MERTK: variants seen among roughly 807,000 people sequenced by gnomAD.
MERTK encodes tyrosine-protein kinase Mer.
Under a neutral mutation model 99.3 loss-of-function variants are expected in MERTK, and 69 were observed. That is an observed-to-expected ratio of 0.70 (90% CI 0.57 to 0.85). The LOEUF is 0.85. Among genes scored for constraint, MERTK ranks in the 40% least tolerant of loss-of-function variants. The pLI is 0.00. For missense variants in MERTK, 1,125 were observed against 1,249.4 expected (o/e 0.90, Z 1.50); for synonymous variants, 426 against 467.6 (o/e 0.91, Z 1.15).
chr2:111,981,735 G>A (rs940713530), intron 7 of MERTK, among the ~76,000 whole-genome samples: 4 of 88,610 alleles, frequency 4.5e-5, no homozygotes, highest in South Asian at 3.4e-4. Flanking sequence ...ACGTACACTC[G>A]TGTACACACA....
intron 13 of MERTK, among the ~76,000 whole-genome samples, chr2:112,007,243 C>T (rs1405916484): frequency 6.6e-6 from 1 of 152,218 alleles, no homozygotes; most frequent in African/African-American, 2.4e-5. Context: ...CAAACTCCGC[C>T]TCCCGGATTC....
intron 1 of MERTK, among the ~76,000 whole-genome samples, chr2:111,916,834 T>G (rs573621915): frequency 3.5e-4 from 54 of 152,348 alleles, no homozygotes; most frequent in African/African-American, 1.3e-3. Flanking sequence ...TGACTTGCTC[T>G]GGCTGGGGAA....
At chr2:111,955,505 C>G (rs544899888) in intron 4 of MERTK, among the ~76,000 whole-genome samples, 1 of 152,234 alleles carries the variant, frequency 6.6e-6, no homozygotes, top group South Asian at 2.1e-4. Flanking sequence ...TCTGTAGCCA[C>G]AAATCTGTAC....
chr2:112,016,847 T>C (rs908888589), intron 15 of MERTK, among the ~76,000 whole-genome samples: 1 of 152,222 alleles, frequency 6.6e-6, no homozygotes, highest in Non-Finnish European at 1.5e-5. Context: ...CCCAGCAGTT[T>C]GGGAGGCCAA....
chr2:112,022,755 C>T (rs1447320963), intron 18 of MERTK, among the ~76,000 whole-genome samples: 1 of 152,158 alleles, frequency 6.6e-6, no homozygotes, highest in Admixed American at 6.5e-5. Context: ...TGAATGATTC[C>T]TCACCCTCTT....
Position 112,021,467 on chromosome 2 carries a change from TAAG to T in MERTK, c.2240_2242del (p.Lys747del), listed in dbSNP as rs1450558215. On this transcript the variant is annotated inframe_deletion, in exon 17 of 19. Transcript: ENST00000295408. Reference sequence around the variant, plus strand: ...TCTGTGTTGCGGACTTCGGCCTCTCTAAGAAGATTTACAGTGGCGATTATTACC... The same window carrying T: ...TCTGTGTTGCGGACTTCGGCCTCTCTAAGATTTACAGTGGCGATTATTACC... The T allele has an allele frequency of 5.0e-6, 8 of 1,613,890 alleles. No individual in the cohort carries two copies. The highest frequency in any genetic ancestry group is 1.3e-5 in the African/African-American group (1 of 75,012).
intron 2 of MERTK, among the ~76,000 whole-genome samples, chr2:111,942,896 T>C (rs1035217372): frequency 2.0e-5 from 3 of 152,238 alleles, no homozygotes; most frequent in African/African-American, 7.2e-5. Context: ...GTGTCTTAGC[T>C]GCTCTATTTA....
At chr2:111,910,591 A>AGTGTGTGT (rs139430156) in intron 1 of MERTK, among the ~76,000 whole-genome samples, 2,692 of 141,210 alleles carry the variant, frequency 0.019, 55 homozygotes, top group East Asian at 0.062. Context: ...TTAAAAAAAA[A>AGTGTGTGT]GTGTGTGTGT....
intron 5 of MERTK, among the ~76,000 whole-genome samples, chr2:111,967,060 G>A (rs995968007): frequency 4.6e-5 from 7 of 152,170 alleles, no homozygotes; most frequent in East Asian, 3.8e-4. Context: ...GTGTAGCTGT[G>A]CCTGGGGCCA....
chr2:112,022,829 T>G (rs1205879251), intron 18 of MERTK, among the ~76,000 whole-genome samples: 2 of 152,180 alleles, frequency 1.3e-5, no homozygotes, highest in Non-Finnish European at 2.9e-5. Context: ...GTAGTAGCCT[T>G]CATCAGGAAA....
At chr2:111,958,313 G>A (rs1242266691) in intron 4 of MERTK, among the ~76,000 whole-genome samples, 3 of 152,182 alleles carry the variant, frequency 2.0e-5, no homozygotes, top group Non-Finnish European at 4.4e-5. Context: ...CACACAGAGA[G>A]AACTGGCGAG....
chr2:111,959,293 A>T (rs1276278341), intron 4 of MERTK, among the ~76,000 whole-genome samples: 1 of 152,102 alleles, frequency 6.6e-6, no homozygotes, highest in Non-Finnish European at 1.5e-5. Flanking sequence ...ATGCTTGACA[A>T]CGTGCCCAAA....
At chr2:112,009,838 A>G (rs1479546094) in intron 14 of MERTK, 110 bp from the exon 15 acceptor site, 5 of 855,664 alleles carry the variant, frequency 5.8e-6, no homozygotes, top group Admixed American at 1.7e-5. Context: ...GATTTTTTCA[A>G]ACTGTTAACT....
chr2:111,941,074 T>C (rs570594132), intron 2 of MERTK: 1 of 440,500 alleles, frequency 2.3e-6, no homozygotes, highest in African/African-American at 2.0e-5. Flanking sequence ...TTTACTCTTT[T>C]ACTTTGGCAA....
At chr2:111,910,228 G>A (rs1006089659) in intron 1 of MERTK, among the ~76,000 whole-genome samples, 1 of 151,714 alleles carries the variant, frequency 6.6e-6, no homozygotes, top group African/African-American at 2.4e-5. Context: ...TTGCCTTACT[G>A]CACTCCAGCC....
At chr2:111,970,338 C>T (rs1676079866) in intron 6 of MERTK, among the ~76,000 whole-genome samples, 1 of 151,400 alleles carries the variant, frequency 6.6e-6, no homozygotes. Context: ...TGTATATTTA[C>T]TAGACATGGG....
intron 6 of MERTK, among the ~76,000 whole-genome samples, chr2:111,973,839 G>A (rs1442182518): frequency 1.3e-5 from 2 of 151,976 alleles, no homozygotes; most frequent in Non-Finnish European, 2.9e-5. Context: ...GCTGGGAATC[G>A]CCCTCTCTTG....
chr2:111,996,962 A>G, intron 9 of MERTK: 2 of 303,142 alleles, frequency 6.6e-6, no homozygotes, highest in Non-Finnish European at 1.3e-5. Context: ...CTACAGTAGA[A>G]GTAAATATTA....
At chr2:111,960,619 C>T (rs916216129) in intron 4 of MERTK, among the ~76,000 whole-genome samples, 7 of 151,328 alleles carry the variant, frequency 4.6e-5, no homozygotes, top group African/African-American at 1.7e-4. Context: ...TGAGTATAAT[C>T]AATTCAGAAG....
Sources: allele counts gnomAD v4.1 joint callset (sites outside exome capture counted in the v4.1 genomes callset), GRCh38; gene constraint gnomAD v4.1.1; transcripts MANE v1.5; gene names NCBI Gene and HGNC (gene_info 2026-07-23, HGNC 2026-07-21).